Variants in NIPBL observed in about 807,000 individuals in gnomAD.
The protein encoded by NIPBL is nipped-B-like protein.
In NIPBL, 19 loss-of-function variants were observed where a neutral mutation model predicts 321.8. The ratio of observed to expected loss-of-function variants is 0.06; its 90% CI spans 0.04 to 0.09. The LOEUF is 0.09. Ranked by LOEUF, NIPBL falls within the 10% of genes least tolerant of loss-of-function variation. The pLI is 1.00. For missense variants in NIPBL, 2,210 were observed against 3,327.0 expected (o/e 0.66, Z 8.26); for synonymous variants, 1,106 against 1,114.1 (o/e 0.99, Z 0.14).
At position 37,020,742 on chromosome 5, in the gene NIPBL, GA is replaced by G. The variant is rs762364741; in HGVS notation, c.5226-28del. 2.5e-6 allele frequency: 4 copies of G among 1,606,430 alleles called. No homozygotes were observed. The African/African-American group carries it at 5.3e-5, about 21-fold the overall frequency. ...TCTATTTCCCTAAGTTACAAAAAAA[GA>G]AAAATAAATTTTTAATGACTTTTTG... On this transcript the variant is annotated intron_variant, in intron 26 of 46. Coordinates refer to ENST00000282516, the MANE Select transcript of NIPBL (RefSeq NM_133433.4).
intron 16 of NIPBL, 82 bp from the exon 17 acceptor site, chr5:37,006,275 G>A: frequency 1.2e-6 from 1 of 818,432 alleles, no homozygotes; most frequent in Non-Finnish European, 2.1e-6. Flanking sequence ...TTCCACCAGT[G>A]AAAATCAAAT....
intron 34 of NIPBL, among the ~76,000 whole-genome samples, chr5:37,042,802 G>C (rs1329928059): frequency 6.7e-6 from 1 of 149,284 alleles, no homozygotes; most frequent in Non-Finnish European, 1.5e-5. Context: ...TTCCAGCCTG[G>C]ATGACAGAGC....
intron 1 of NIPBL, among the ~76,000 whole-genome samples, chr5:36,945,285 T>G (rs916173019): frequency 1.6e-4 from 24 of 152,198 alleles, no homozygotes; most frequent in African/African-American, 5.5e-4. Context: ...TACAGGCCTC[T>G]GCAAATCCAT....
chr5:37,036,709 G>A (rs1237935052), intron 33 of NIPBL, among the ~76,000 whole-genome samples: 1 of 149,386 alleles, frequency 6.7e-6, no homozygotes, highest in African/African-American at 2.5e-5. Context: ...AAAAGCATGG[G>A]CCTCACCTCT....
intron 40 of NIPBL, among the ~76,000 whole-genome samples, chr5:37,050,113 G>A (rs977597977): frequency 1.3e-5 from 2 of 151,950 alleles, no homozygotes; most frequent in Non-Finnish European, 2.9e-5. Flanking sequence ...TTAAACTACC[G>A]AGGGTTCTTT....
chr5:37,060,044 GT>G (rs761817747), intron 44 of NIPBL, among the ~76,000 whole-genome samples: 8 of 152,202 alleles, frequency 5.3e-5, no homozygotes, highest in African/African-American at 1.9e-4. Flanking sequence ...TGGAAAGAGT[GT>G]GTTGCATGTA....
At chr5:37,044,299 T>C in intron 34 of NIPBL, 48 bp from the exon 35 acceptor site, 1 of 1,560,992 alleles carries the variant, frequency 6.4e-7, no homozygotes, top group Non-Finnish European at 8.8e-7. Flanking sequence ...GTATATAGTT[T>C]CTTTTCAGGT....
At chr5:37,022,972 A>AT (rs1479070883) in intron 29 of NIPBL, among the ~76,000 whole-genome samples, 1 of 152,252 alleles carries the variant, frequency 6.6e-6, no homozygotes, top group Non-Finnish European at 1.5e-5. Context: ...GAAAGGAAAC[A>AT]TTGGCATTAG....
intron 39 of NIPBL, 144 bp from the exon 40 acceptor site, chr5:37,048,967 A>ACACT (rs1303512087): frequency 1.2e-6 from 1 of 811,120 alleles, no homozygotes; most frequent in African/African-American, 1.7e-5. Context: ...ACACACACAC[A>ACACT]CACTCACACA....
intron 34 of NIPBL, among the ~76,000 whole-genome samples, chr5:37,042,558 G>C (rs1403285720): frequency 6.6e-6 from 1 of 151,858 alleles, no homozygotes; most frequent in Non-Finnish European, 1.5e-5. Context: ...TTGGGAGGCC[G>C]AGGCAGGCAG....
intron 8 of NIPBL, among the ~76,000 whole-genome samples, chr5:36,973,352 T>G (rs1378546067): frequency 6.6e-6 from 1 of 151,664 alleles, no homozygotes; most frequent in Non-Finnish European, 1.5e-5. Context: ...TTTTTAAAAA[T>G]TTTATTTTAT....
At chr5:36,918,287 C>G (rs949228032) in intron 1 of NIPBL, among the ~76,000 whole-genome samples, 1 of 152,026 alleles carries the variant, frequency 6.6e-6, no homozygotes, top group Middle Eastern at 3.2e-3. Flanking sequence ...TTTGAAGCAA[C>G]TGTGAGTGGG....
chr5:36,939,166 C>T (rs1274710523), intron 1 of NIPBL, among the ~76,000 whole-genome samples: 1 of 152,164 alleles, frequency 6.6e-6, no homozygotes, highest in Non-Finnish European at 1.5e-5. Flanking sequence ...CCACACTTGA[C>T]TAATTTTTGT....
At chr5:37,035,428 T>C (rs1355451405) in intron 32 of NIPBL, among the ~76,000 whole-genome samples, 1 of 152,276 alleles carries the variant, frequency 6.6e-6, no homozygotes, top group South Asian at 2.1e-4. Flanking sequence ...GTGTGTGTTA[T>C]GTTACTCTGG....
chr5:36,927,629 A>C (rs2149567387), intron 1 of NIPBL, among the ~76,000 whole-genome samples: 1 of 152,320 alleles, frequency 6.6e-6, no homozygotes, highest in Non-Finnish European at 1.5e-5. Flanking sequence ...GGAACTGGAC[A>C]AATGAGTTGT....
intron 1 of NIPBL, among the ~76,000 whole-genome samples, chr5:36,917,729 A>G (rs1434221500): frequency 8.5e-5 from 13 of 152,156 alleles, no homozygotes; most frequent in Admixed American, 1.3e-4. Flanking sequence ...TTCAGTTTCA[A>G]CTTTCTACAT....
intron 1 of NIPBL, among the ~76,000 whole-genome samples, chr5:36,904,950 A>C (rs540753391): frequency 6.6e-6 from 1 of 152,318 alleles, no homozygotes. Context: ...AGGGAATTAC[A>C]CAAGGTGGAT....
rs760603031 is a variant in NIPBL at position 37,060,895 on chromosome 5, G to A, written c.7737G>A (p.Ala2579=). 31 of 1,613,860 alleles carry A rather than the reference G, an allele frequency of 1.9e-5. No individual in the cohort carries two copies. Among genetic ancestry groups the A allele is most frequent in the Non-Finnish European group, 1.9e-5 (23 of 1,179,964 alleles). Reference sequence around the variant, plus strand: ...AATCTGCAAAAGTATATGATAAAGCGATAAACCGAAAAACAGGAGTTCATT... The same window carrying A: ...AATCTGCAAAAGTATATGATAAAGCAATAAACCGAAAAACAGGAGTTCATT... The part of the protein sequence containing the change: ...PSESAKVYDK[A]INRKTGVHFH... Residue 2579 remains alanine, a synonymous_variant, in exon 45 of 47, where the codon GCG becomes GCA. Transcript: ENST00000282516.
intron 6 of NIPBL, among the ~76,000 whole-genome samples, chr5:36,964,258 T>C (rs991023080): frequency 6.6e-6 from 1 of 152,008 alleles, no homozygotes; most frequent in Admixed American, 6.6e-5. Context: ...CAGAAAAAAT[T>C]TATATGGAAC....
Sources: allele counts gnomAD v4.1 joint callset (sites outside exome capture counted in the v4.1 genomes callset), GRCh38; gene constraint gnomAD v4.1.1; transcripts MANE v1.5; gene names NCBI Gene and HGNC (gene_info 2026-07-23, HGNC 2026-07-21).